The following TNRC6B variants were observed in gnomAD, a reference collection of about 807,000 sequenced individuals.
The protein encoded by TNRC6B is trinucleotide repeat-containing gene 6B protein.
Under a neutral mutation model 203.6 loss-of-function variants are expected in TNRC6B, and 52 were observed. That is an observed-to-expected ratio of 0.26 (90% CI 0.20 to 0.32). The LOEUF is 0.32. Ranked by LOEUF, TNRC6B falls within the 10% of genes least tolerant of loss-of-function variation. The pLI, the probability that TNRC6B is intolerant of heterozygous loss-of-function variation, is 1.00. For missense variants in TNRC6B, 1,923 were observed against 2,286.2 expected, an observed-to-expected ratio of 0.84 and a Z score of 3.24; for synonymous variants, 838 against 845.7, an observed-to-expected ratio of 0.99 and a Z score of 0.16.
chr22:40,074,506 C>T (rs1407084057), intron 1 of TNRC6B, among the ~76,000 whole-genome samples: 3 of 151,856 alleles, frequency 2.0e-5, no homozygotes, highest in Non-Finnish European at 4.4e-5. Context: ...TGGCTGGGCG[C>T]GGTGGCTCAC....
intron 1 of TNRC6B, among the ~76,000 whole-genome samples, chr22:40,100,118 T>C (rs550867691): frequency 2.8e-5 from 4 of 142,162 alleles, no homozygotes; most frequent in African/African-American, 1.1e-4. Flanking sequence ...GGAGACAGGG[T>C]CTCTCTTGCC....
intron 7 of TNRC6B, among the ~76,000 whole-genome samples, chr22:40,275,126 A>G (rs73165086): frequency 2.4e-4 from 37 of 152,338 alleles, no homozygotes; most frequent in Admixed American, 3.9e-4. Context: ...ATAGCATAAG[A>G]ATACAGTCTG....
At chr22:40,070,193 C>T (rs762876166) in intron 1 of TNRC6B, among the ~76,000 whole-genome samples, 26 of 152,014 alleles carry the variant, frequency 1.7e-4, no homozygotes, top group Admixed American at 1.3e-3. Context: ...GTCATTTATT[C>T]GTATAATAAA....
intron 4 of TNRC6B, among the ~76,000 whole-genome samples, chr22:40,172,099 C>T (rs2069005729): frequency 6.6e-6 from 1 of 152,030 alleles, no homozygotes; most frequent in South Asian, 2.1e-4. Context: ...AGGCTGGCCT[C>T]GAACTCCTGA....
At chr22:40,058,257 TA>T (rs2067817769) in intron 1 of TNRC6B, among the ~76,000 whole-genome samples, 1 of 151,754 alleles carries the variant, frequency 6.6e-6, no homozygotes, top group South Asian at 2.1e-4. Context: ...ACATAAACGG[TA>T]AAAAAGGCTC....
chr22:40,177,805 A>T (rs2069079405), upstream of TNRC6B: 5 of 1,271,272 alleles, frequency 3.9e-6, no homozygotes, highest in Non-Finnish European at 5.0e-6. Context: ...TGAGTGGAAA[A>T]GGGCTGCTTC....
At chr22:40,213,575 G>A (rs1347700439) in intron 1 of TNRC6B, among the ~76,000 whole-genome samples, 3 of 152,178 alleles carry the variant, frequency 2.0e-5, no homozygotes, top group African/African-American at 7.2e-5. Flanking sequence ...CTGCTCTGTA[G>A]AAAATGTATC....
chr22:40,331,719 A>T lies in TNRC6B; in HGVS notation c.*8478A>T, dbSNP rs118137006. ...GTCATCGTCGCTTCTTTATGTTGTA[A>T]GGTGAATTGTAACTATGCATTCTGC... is the stretch of plus-strand genomic sequence containing the variant. On this transcript the variant is annotated 3_prime_UTR_variant, in exon 23 of 23. Transcript: ENST00000454349. The T allele has an allele frequency of 3.8e-6, 1 of 264,786 alleles. No individual in the cohort carries two copies. The highest frequency in any genetic ancestry group is 6.9e-6 in the Non-Finnish European group (1 of 145,220). 16.4% of individuals were successfully genotyped at this position (264,786 alleles called of 1,614,324 possible).
chr22:40,159,403 G>A (rs950709731), intron 4 of TNRC6B, among the ~76,000 whole-genome samples: 6 of 150,766 alleles, frequency 4.0e-5, no homozygotes, highest in African/African-American at 1.5e-4. Context: ...ACTTTGGGAG[G>A]CTGAGGCGGG....
intron 1 of TNRC6B, among the ~76,000 whole-genome samples, chr22:40,092,172 G>A (rs1247634727): frequency 6.6e-6 from 1 of 152,150 alleles, no homozygotes; most frequent in Non-Finnish European, 1.5e-5. Flanking sequence ...GGAGGCCGAG[G>A]CAGCTGGATC....
At chr22:40,253,128 C>T (rs1303025183) in intron 3 of TNRC6B, among the ~76,000 whole-genome samples, 1 of 148,714 alleles carries the variant, frequency 6.7e-6, no homozygotes, top group Non-Finnish European at 1.5e-5. Flanking sequence ...GGCAGAGTCT[C>T]GCTCTGTCAC....
intron 3 of TNRC6B, among the ~76,000 whole-genome samples, chr22:40,149,636 C>G (rs1047894267): frequency 3.5e-5 from 5 of 142,768 alleles, no homozygotes; most frequent in Non-Finnish European, 6.0e-5. Flanking sequence ...CGCCATTGCA[C>G]TACAGCCTGG....
rs1333569586 is a variant in TNRC6B, at chr22:40,170,390, TTA to T, written c.113+14218_113+14219del. On this transcript the variant is annotated intron_variant, in intron 4 of 23. Coordinates refer to the TNRC6B transcript ENST00000301923. ...TTTATATATATATTATATATATAGT[TTA>T]TATATATATTATATATATAGTTTAT... Among the ~76,000 whole-genome samples the T allele has an allele frequency of 8.5e-4, 53 of 62,608 alleles. 2 individuals carry two copies. The highest frequency in any genetic ancestry group is 1.6e-3 in the Admixed American group (6 of 3,780). 41.1% of individuals were successfully genotyped at this position (62,608 alleles called of 152,430 possible). A position where few individuals can be genotyped will look rare whatever the true frequency, so the allele number is the denominator to read the frequency against.
intron 4 of TNRC6B, among the ~76,000 whole-genome samples, chr22:40,170,306 A>T (rs2068960557): frequency 9.1e-6 from 1 of 109,656 alleles, no homozygotes; most frequent in Non-Finnish European, 1.7e-5. Flanking sequence ...TATATATAAT[A>T]TATATTTTAT....
chr22:40,294,959 TAGAA>T (rs1337521716), intron 12 of TNRC6B, among the ~76,000 whole-genome samples: 1 of 152,184 alleles, frequency 6.6e-6, no homozygotes, highest in Non-Finnish European at 1.5e-5. Flanking sequence ...CCTATTAAAA[TAGAA>T]AGTCAAACAG....
At chr22:40,214,511 A>T (rs1227876110) in intron 1 of TNRC6B, among the ~76,000 whole-genome samples, 1 of 151,430 alleles carries the variant, frequency 6.6e-6, no homozygotes, top group Non-Finnish European at 1.5e-5. Context: ...GGCATACAGA[A>T]TCTCTGTGTG....
At chr22:40,286,103 A>C (rs893549210) in intron 12 of TNRC6B, among the ~76,000 whole-genome samples, 2 of 152,214 alleles carry the variant, frequency 1.3e-5, no homozygotes, top group African/African-American at 4.8e-5. Flanking sequence ...AACTGCATAT[A>C]ATTAAAACTG....
chr22:40,330,331 G>A lies in TNRC6B; in HGVS notation c.*7090G>A, dbSNP rs777478718. 2.0e-5 allele frequency: 3 copies of A among 152,180 alleles called. No individual in the cohort carries two copies. The highest frequency in any genetic ancestry group is 4.4e-5 in the Non-Finnish European group (3 of 68,036). 9.4% of individuals were successfully genotyped at this position (152,180 alleles called of 1,614,324 possible). Reference sequence around the variant, plus strand: ...TTTCTCTCCCGCCTTCCGGAATCTGGCGTTCCTTCCCCTTCGGCTACTGAA... The same window carrying A: ...TTTCTCTCCCGCCTTCCGGAATCTGACGTTCCTTCCCCTTCGGCTACTGAA... On this transcript the variant is annotated 3_prime_UTR_variant, in exon 23 of 23. Coordinates refer to ENST00000454349, the MANE Select transcript of TNRC6B (RefSeq NM_001162501.2).
At chr22:40,184,862 G>A (rs1471768520) in intron 1 of TNRC6B, among the ~76,000 whole-genome samples, 5 of 152,170 alleles carry the variant, frequency 3.3e-5, no homozygotes, top group Admixed American at 1.3e-4. Context: ...TGAGGCACAG[G>A]TGTGGGGTTG....
Sources: gnomAD v4.1 joint callset for allele counts (sites outside exome capture counted in the v4.1 genomes callset) on GRCh38, gnomAD v4.1.1 for gene constraint, MANE v1.5 for transcripts, NCBI Gene and HGNC (gene_info 2026-07-23, HGNC 2026-07-21) for gene names.